The following PPRC1 variants were observed in gnomAD, a reference collection of about 807,000 sequenced individuals.
PPRC1 encodes the protein PPARG related coactivator 1.
Under a neutral mutation model 132.5 loss-of-function variants are expected in PPRC1, and 23 were observed. That is an observed-to-expected ratio of 0.17 (90% CI 0.12 to 0.25). The LOEUF (loss-of-function observed/expected upper bound fraction) is 0.25. PPRC1 is among the 10% of genes least tolerant of loss of function. PPRC1 has a pLI of 1.00. For synonymous variants in PPRC1, 872 were observed against 833.5 expected, an observed-to-expected ratio of 1.05 and a Z score of -0.80; for missense variants, 2,006 against 2,089.1, an observed-to-expected ratio of 0.96 and a Z score of 0.78.
chr10:102,147,050 C>T lies in PPRC1; in HGVS notation c.4058C>T (p.Pro1353Leu), dbSNP rs17847388. ...PPPCIAASRE[P>L]LDHRTSSEQA... ...CCATGCATAGCTGCCTCCCGGGAGC[C>T]GCTTGATCACAGGACTAGCAGTGAG... is the stretch of plus-strand genomic sequence containing the variant. The change falls in exon 9 of 14, where the codon CCG (proline) becomes CTG (leucine). Residue 1353 changes from proline (P) to leucine (L), a missense_variant. Pro to Leu is a moderately conservative substitution (Grantham distance 98). Transcript: ENST00000278070. The T allele has an allele frequency of 5.2e-4, 837 of 1,614,148 alleles. 15 individuals carry two copies. The East Asian group carries it at 0.017, about 32-fold the overall frequency.
At position 102,148,577 on chromosome 10, in the gene PPRC1, A is replaced by T. The variant is rs112243480; in HGVS notation, c.4551-51A>T. The stretch of plus-strand genomic sequence containing the variant: ...CTGGGATGCAGGTGCCTAAGAGTTG[A>T]GTCTTGAATTGTCTTATGTTTGGGG... On this transcript the variant is annotated intron_variant, in intron 10 of 13. Transcript: ENST00000278070. This position sits in a 1 kb window ranked among gnomAD's most constrained non-coding sequence, Gnocchi z 4.2. 2.5e-6 allele frequency: 4 copies of T among 1,612,944 alleles called. No individual in the cohort carries two copies. In the East Asian group the frequency reaches 8.9e-5, roughly 36 times the overall value.
intron 6 of PPRC1, among the ~76,000 whole-genome samples, chr10:102,143,598 C>CA (rs774584823): frequency 0.056 from 3,182 of 56,492 alleles, 109 homozygotes; most frequent in East Asian, 0.27. Context: ...GACTCTGTCT[C>CA]AAAAAAAAAA....
At chr10:102,130,703 C>T (rs2068527499), upstream of PPRC1, among the ~76,000 whole-genome samples, 4 of 152,108 alleles carry the variant, frequency 2.6e-5, no homozygotes, top group South Asian at 6.2e-4. Context: ...CCATTGCACT[C>T]CAGCCTGGGT....
chr10:102,142,091 T>C, intron 5 of PPRC1, 87 bp downstream of exon 5: 1 of 1,436,894 alleles, frequency 7.0e-7, no homozygotes. Flanking sequence ...AGGCTGGCCT[T>C]TGTTGGATTT....
chr10:102,133,281 A>G, intron 1 of PPRC1, 60 bp downstream of exon 1: 1 of 1,213,252 alleles, frequency 8.2e-7, no homozygotes, highest in South Asian at 4.1e-5. Flanking sequence ...GGGCGGTGAC[A>G]CGTGGACGCC....
In PPRC1 at chr10:102,139,341, T is replaced by G; in HGVS notation, c.833T>G (p.Leu278Trp). Residue 278 changes from leucine to tryptophan, a missense_variant, in exon 5 of 14, where the codon TTG (leucine) becomes TGG (tryptophan). This residue lies in a region of PPRC1 where 1,914 missense variants were observed against 1,917.2 expected (regional missense o/e 1.00). Coordinates refer to ENST00000278070, the MANE Select transcript of PPRC1 (RefSeq NM_015062.5). Reference protein sequence around the residue: ...VSSIPDFPMHLACPEEEDKAT... With the variant: ...VSSIPDFPMHWACPEEEDKAT... ...AGTATCCCGGACTTCCCCATGCATT[T>G]GGCCTGCCCTGAGGAGGAAGATAAA... is the stretch of plus-strand genomic sequence containing the variant. The G allele has an allele frequency of 1.9e-6, 3 of 1,614,198 alleles. No individual in the cohort carries two copies. The highest frequency in any genetic ancestry group is 2.5e-6 in the Non-Finnish European group (3 of 1,180,022).
At chr10:102,144,221 G>C in intron 6 of PPRC1, 29 bp from the exon 7 acceptor site, 1 of 1,612,128 alleles carries the variant, frequency 6.2e-7, no homozygotes, top group South Asian at 1.1e-5. Flanking sequence ...CATCTGGTTG[G>C]GCTTTTAACT....
At chr10:102,123,830 G>A in the PPRC1 span, among the ~76,000 whole-genome samples, 1 of 144,344 alleles carries the variant, frequency 6.9e-6, no homozygotes, top group African/African-American at 2.5e-5. Context: ...CACCACGCCC[G>A]GCCTTTTTTT....
chr10:102,146,722 G>C lies in PPRC1; in HGVS notation c.3730G>C (p.Ala1244Pro), dbSNP rs80014803. The C allele has an allele frequency of 1.8e-3, 2,973 of 1,613,824 alleles. 37 individuals are homozygous for C. The African/African-American group carries it at 0.035, about 19-fold the overall frequency. ...PPHQLWKPLAAVSLLAKAKSP... is the reference protein window; with the variant it reads ...PPHQLWKPLAPVSLLAKAKSP... ...CCACCAGTTATGGAAGCCCCTGGCT[G>C]CTGTCTCACTGCTGGCCAAAGCCAA... is the stretch of plus-strand genomic sequence containing the variant. Residue 1244 changes from alanine to proline, a missense_variant, in exon 9 of 14, where the codon GCT (alanine) becomes CCT (proline). By Grantham distance (27) the Ala-to-Pro change is conservative. Transcript: ENST00000278070.
intron 9 of PPRC1, among the ~76,000 whole-genome samples, chr10:102,147,705 G>C (rs1195214423): frequency 6.6e-6 from 1 of 151,964 alleles, no homozygotes; most frequent in Non-Finnish European, 1.5e-5. Flanking sequence ...CTTCATTTTT[G>C]GTATTCTGGG....
Position 102,141,050 on chromosome 10 carries a change from C to T in PPRC1, c.2542C>T (p.Pro848Ser), listed in dbSNP as rs1590336916. The T allele has an allele frequency of 6.2e-7, 1 of 1,614,186 alleles. No homozygotes were observed. Among genetic ancestry groups the T allele is most frequent in the Non-Finnish European group, 8.5e-7 (1 of 1,180,036 alleles). ...GGCCTCATCTCCCACTGAGCAGGTG[C>T]CATCCCAGGAGATGCCACTGTTGGC... Reference protein sequence around the residue: ...PVASSPTEQVPSQEMPLLARP... With the variant: ...PVASSPTEQVSSQEMPLLARP... Residue 848 changes from proline to serine, a missense_variant, in exon 5 of 14, where the codon CCA becomes TCA. Transcript: ENST00000278070.
At chr10:102,126,562 G>A in the PPRC1 span, among the ~76,000 whole-genome samples, 3 of 150,518 alleles carry the variant, frequency 2.0e-5, no homozygotes, top group Non-Finnish European at 3.0e-5. Flanking sequence ...GGGTTCAAGC[G>A]ATTCTCCTGC....
intron 1 of PPRC1, among the ~76,000 whole-genome samples, chr10:102,137,345 GTC>G (rs1332827287): frequency 6.6e-6 from 1 of 152,166 alleles, no homozygotes; most frequent in African/African-American, 2.4e-5. Flanking sequence ...CTGCAGAAAA[GTC>G]TGTGATTTTA....
chr10:102,127,047 ATATATATATATATATATATAT>A, the PPRC1 span, among the ~76,000 whole-genome samples: 21 of 57,662 alleles, frequency 3.6e-4, 1 homozygote, highest in East Asian at 1.6e-3. Flanking sequence ...ATATATATAT[ATATATATATATATATATATAT>A]AAATTAAAAA....
rs1392765707 is a variant in PPRC1 at position 102,147,346 on chromosome 10, C to T, written c.4354C>T (p.Arg1452Ter). The T allele has an allele frequency of 2.5e-6, 4 of 1,610,412 alleles. No homozygotes were observed. The highest frequency in any genetic ancestry group is 3.4e-6 in the Non-Finnish European group (4 of 1,179,864). ...ATCCTCATCATCGTCTTCCTCATCCCGATCTCGGTCCAGGTCCCTCTCCCC... is the reference window on the plus strand; with the variant it reads ...ATCCTCATCATCGTCTTCCTCATCCTGATCTCGGTCCAGGTCCCTCTCCCC... ...SSSSSSSSSS[R>*]SRSRSLSPPH... The change falls in exon 9 of 14, where the codon CGA (arginine) becomes TGA (stop). Residue 1452 changes from arginine (R) to a stop codon, truncating the protein, a stop_gained. Coordinates refer to ENST00000278070, the MANE Select transcript of PPRC1 (RefSeq NM_015062.5). LOFTEE classifies it high-confidence loss of function.
chr10:102,134,654 C>G (rs1311220477), intron 1 of PPRC1, among the ~76,000 whole-genome samples: 3 of 152,166 alleles, frequency 2.0e-5, no homozygotes, highest in Non-Finnish European at 4.4e-5. Context: ...GCGCTGATCC[C>G]TTCTCCCCTA....
At chr10:102,134,923 G>T (rs2068666527) in intron 1 of PPRC1, among the ~76,000 whole-genome samples, 1 of 152,188 alleles carries the variant, frequency 6.6e-6, no homozygotes, top group Admixed American at 6.5e-5. Flanking sequence ...AGGATCTCAT[G>T]GAGAGATTGT....
chr10:102,146,903 C>G lies in PPRC1; in HGVS notation c.3911C>G (p.Thr1304Ser), dbSNP rs777333443. ...CATGACTATTGTGTCCGGAGCAGGA[C>G]CCCCCCAAAAAAGATGCCTGCCCTA... is the stretch of plus-strand genomic sequence containing the variant. The part of the protein sequence containing the change: ...GDHDYCVRSR[T>S]PPKKMPALVI... Residue 1304 changes from threonine to serine, a missense_variant, in exon 9 of 14, where the codon ACC (threonine) becomes AGC (serine). This residue lies in a region of PPRC1 where 1,914 missense variants were observed against 1,917.2 expected (regional missense o/e 1.00). Coordinates refer to ENST00000278070, the MANE Select transcript of PPRC1 (RefSeq NM_015062.5). The G allele has an allele frequency of 6.2e-7, 1 of 1,613,842 alleles. No homozygotes were observed.
chr10:102,147,487 T>G, intron 9 of PPRC1, 95 bp downstream of exon 9: 1 of 1,422,164 alleles, frequency 7.0e-7, no homozygotes, highest in Non-Finnish European at 9.4e-7. Context: ...ACTTTGGTAC[T>G]TTCAGGCGCT....
Sources: allele counts gnomAD v4.1 joint callset (sites outside exome capture counted in the v4.1 genomes callset), GRCh38; gene constraint gnomAD v4.1.1; regional missense constraint gnomAD v4.1.1; non-coding constraint Gnocchi (gnomAD v3.1); transcripts MANE v1.5; gene names NCBI Gene and HGNC (gene_info 2026-07-23, HGNC 2026-07-21).